Variants in PKHD1 observed in about 807,000 individuals in gnomAD.
PKHD1 encodes fibrocystin.
In PKHD1, 291 loss-of-function variants were observed where a neutral mutation model predicts 412.0. The ratio of observed to expected loss-of-function variants is 0.71; its 90% CI spans 0.64 to 0.78. The LOEUF (loss-of-function observed/expected upper bound fraction) is 0.78, where lower values mean the gene tolerates loss of function less well. Ranked by LOEUF, PKHD1 falls within the 30% of genes least tolerant of loss-of-function variation. PKHD1 has a pLI of 0.00. For synonymous variants in PKHD1, 1,777 were observed against 1,821.5 expected (o/e 0.98, Z 0.62); for missense variants, 4,825 against 4,950.7 (o/e 0.97, Z 0.76).
intron 60 of PKHD1, among the ~76,000 whole-genome samples, chr6:51,666,947 T>C (rs1246839057): frequency 6.6e-6 from 1 of 151,512 alleles, no homozygotes. Context: ...TCTATCATTG[T>C]TGGACATTTG....
chr6:51,812,708 C>A (rs1376124351), intron 52 of PKHD1, among the ~76,000 whole-genome samples: 1 of 152,154 alleles, frequency 6.6e-6, no homozygotes, highest in East Asian at 1.9e-4. Flanking sequence ...AATTTATATT[C>A]TTTAGAGAAT....
rs201895709 is a variant in PKHD1, at chr6:52,078,384, CA to C, written c.390+1515del. 6.4e-4 allele frequency among the ~76,000 whole-genome samples: 97 copies of C among 152,310 alleles called. 4 individuals are homozygous for C. The East Asian group carries it at 0.018, about 28-fold the overall frequency. On this transcript the variant is annotated intron_variant, in intron 5 of 66. Transcript: ENST00000371117. The stretch of plus-strand genomic sequence containing the variant: ...GAAGCAAAAGAGGGGAGAGGAAATG[CA>C]GCAGATTAGGATGAGAAAGCTGCAG...
intron 29 of PKHD1, among the ~76,000 whole-genome samples, chr6:52,031,771 G>T (rs2435315): frequency 0.46 from 69,345 of 152,010 alleles, 17,533 homozygotes; most frequent in Admixed American, 0.58. Context: ...AAAAGGCTAC[G>T]ACACTTCGTG....
chr6:51,861,296 A>C (rs1275576198), intron 48 of PKHD1, among the ~76,000 whole-genome samples: 1 of 152,186 alleles, frequency 6.6e-6, no homozygotes, highest in Non-Finnish European at 1.5e-5. Flanking sequence ...CAATAATACC[A>C]ATGAGAGCAG....
chr6:51,901,237 A>T (rs953564791), intron 43 of PKHD1, among the ~76,000 whole-genome samples: 2 of 152,224 alleles, frequency 1.3e-5, no homozygotes, highest in East Asian at 3.8e-4. Flanking sequence ...TTATTGCGGC[A>T]TTAGTCACAA....
At chr6:51,741,646 G>T (rs1784570087) in intron 60 of PKHD1, among the ~76,000 whole-genome samples, 1 of 152,128 alleles carries the variant, frequency 6.6e-6, no homozygotes, top group Non-Finnish European at 1.5e-5. Context: ...TATCAGACTT[G>T]AGCGCCAGCT....
chr6:51,906,660 A>C (rs572856591), intron 40 of PKHD1, among the ~76,000 whole-genome samples: 2 of 152,300 alleles, frequency 1.3e-5, no homozygotes, highest in South Asian at 4.1e-4. Context: ...ATCAGCTTTC[A>C]TCATAATACA....
chr6:52,073,351 A>G, intron 7 of PKHD1, 112 bp downstream of exon 7: 1 of 802,470 alleles, frequency 1.2e-6, no homozygotes, highest in Non-Finnish European at 2.3e-6. Flanking sequence ...AAAAAGGAAA[A>G]TAGCAATTCT....
intron 41 of PKHD1, among the ~76,000 whole-genome samples, chr6:51,904,378 C>A (rs1271024300): frequency 6.6e-6 from 1 of 152,102 alleles, no homozygotes; most frequent in Non-Finnish European, 1.5e-5. Context: ...ATCTGCATGC[C>A]CTCACCTTCC....
At chr6:51,761,440 G>A (rs897097945) in intron 55 of PKHD1, among the ~76,000 whole-genome samples, 1 of 151,988 alleles carries the variant, frequency 6.6e-6, no homozygotes, top group African/African-American at 2.4e-5. Context: ...GCTGGTGGTG[G>A]GGGGAAGCAA....
chr6:51,858,444 A>T (rs1773646875), intron 48 of PKHD1, among the ~76,000 whole-genome samples: 1 of 152,126 alleles, frequency 6.6e-6, no homozygotes, highest in African/African-American at 2.4e-5. Flanking sequence ...ATAAGAGGTA[A>T]GTTCGAACTA....
In PKHD1 at chr6:51,933,991, A is replaced by T. The variant is rs945181566; in HGVS notation, c.6121+119T>A. 5 of 749,794 alleles carry T rather than the reference A, an allele frequency of 6.7e-6. No individual in the cohort carries two copies. The African/African-American group carries it at 8.5e-5, about 13-fold the overall frequency. The allele number at this position is 749,794 out of a possible 1,614,324, so 46.4% of individuals were successfully genotyped here. ...ACTTGTTATTTAAGGAAATAGTGCC[A>T]TGCTCTAACTGACCTGGTTGGCTCA... is the stretch of plus-strand genomic sequence containing the variant. On this transcript the variant is annotated intron_variant, in intron 37 of 66. Coordinates refer to ENST00000371117, the MANE Select transcript of PKHD1 (RefSeq NM_138694.4).
intron 37 of PKHD1, among the ~76,000 whole-genome samples, chr6:51,922,753 C>T (rs911158501): frequency 5.9e-5 from 9 of 152,188 alleles, no homozygotes; most frequent in Non-Finnish European, 1.2e-4. Flanking sequence ...GAGCCAGGCA[C>T]GGGATATAAT....
At chr6:51,692,436 C>A (rs1251976271) in intron 60 of PKHD1, among the ~76,000 whole-genome samples, 1 of 152,142 alleles carries the variant, frequency 6.6e-6, no homozygotes, top group Non-Finnish European at 1.5e-5. Flanking sequence ...ATTCTTCTAC[C>A]TCCATGACTT....
chr6:51,957,410 A>T (rs1267847656), intron 36 of PKHD1, among the ~76,000 whole-genome samples: 1 of 152,158 alleles, frequency 6.6e-6, no homozygotes, highest in East Asian at 1.9e-4. Flanking sequence ...TTCAGGAAAC[A>T]GAGCATTTCA....
intron 65 of PKHD1, among the ~76,000 whole-genome samples, chr6:51,631,798 G>A (rs1702802): frequency 0.043 from 6,495 of 151,884 alleles, 235 homozygotes; most frequent in African/African-American, 0.093. Context: ...ATTAAAAAAT[G>A]GCATCCACTT....
intron 39 of PKHD1, among the ~76,000 whole-genome samples, chr6:51,910,578 C>T (rs754825911): frequency 3.3e-5 from 5 of 152,062 alleles, no homozygotes; most frequent in Non-Finnish European, 5.9e-5. Context: ...ATTTGTGATG[C>T]AATCAAGGAT....
chr6:51,955,415 G>GC (rs1239977581), intron 36 of PKHD1, among the ~76,000 whole-genome samples: 1 of 151,852 alleles, frequency 6.6e-6, no homozygotes, highest in Non-Finnish European at 1.5e-5. Flanking sequence ...CTTCTCAATT[G>GC]CCCCCCAAAA....
At chr6:52,032,077 C>T (rs914740785) in intron 29 of PKHD1, among the ~76,000 whole-genome samples, 1 of 152,180 alleles carries the variant, frequency 6.6e-6, no homozygotes, top group South Asian at 2.1e-4. Context: ...GAATTTTACA[C>T]ACTTCAGTCA....
Sources: gnomAD v4.1 joint callset for allele counts (sites outside exome capture counted in the v4.1 genomes callset) on GRCh38, gnomAD v4.1.1 for gene constraint, MANE v1.5 for transcripts, NCBI Gene and HGNC (gene_info 2026-07-23, HGNC 2026-07-21) for gene names.